The following AXIN1 variants were observed in gnomAD, a reference collection of about 807,000 sequenced individuals.
The protein encoded by AXIN1 is axin 1.
A neutral mutation model predicts 76.4 loss-of-function variants in AXIN1; 30 were observed. The observed-to-expected ratio is 0.39, with a 90% CI of 0.29 to 0.53. The LOEUF is 0.53. Among genes scored for constraint, AXIN1 ranks in the 20% least tolerant of loss-of-function variants. The pLI is 0.66. For missense variants in AXIN1, 1,140 were observed against 1,198.8 expected (o/e 0.95, Z 0.72); for synonymous variants, 545 against 501.4 (o/e 1.09, Z -1.16).
chr16:328,424 A>G (rs577709581), intron 2 of AXIN1, among the ~76,000 whole-genome samples: 1 of 152,162 alleles, frequency 6.6e-6, no homozygotes, highest in East Asian at 1.9e-4. Context: ...AGCCAGGTGC[A>G]GTGGCTCACG....
intron 4 of AXIN1, among the ~76,000 whole-genome samples, chr16:307,873 G>A (rs749467335): frequency 4.6e-5 from 7 of 152,186 alleles, no homozygotes; most frequent in Non-Finnish European, 8.8e-5. Context: ...ACCATCCTCG[G>A]GTCCAGTTTC....
At chr16:316,032 G>C (rs1191924635) in intron 2 of AXIN1, among the ~76,000 whole-genome samples, 1 of 152,030 alleles carries the variant, frequency 6.6e-6, no homozygotes, top group Non-Finnish European at 1.5e-5. Flanking sequence ...CAGCCTGGGC[G>C]ACAGAGTAAG....
chr16:318,840 A>G (rs1419929107), intron 2 of AXIN1, among the ~76,000 whole-genome samples: 9 of 152,140 alleles, frequency 5.9e-5, no homozygotes, highest in Admixed American at 3.3e-4. Flanking sequence ...TGCGGTGAGA[A>G]TGCGGCTGGG....
chr16:352,011 C>T (rs1423656670), intron 1 of AXIN1, among the ~76,000 whole-genome samples: 1 of 152,144 alleles, frequency 6.6e-6, no homozygotes, highest in Non-Finnish European at 1.5e-5. Context: ...CGAACCCCGA[C>T]CCGGACCCGG....
chr16:316,423 C>T (rs79801540), intron 2 of AXIN1, among the ~76,000 whole-genome samples: 5 of 152,218 alleles, frequency 3.3e-5, no homozygotes, highest in East Asian at 1.9e-4. Context: ...CCCTTCCGGG[C>T]GCTCTGCTGT....
chr16:300,619 C>T (rs932814594), intron 5 of AXIN1, among the ~76,000 whole-genome samples: 5 of 152,280 alleles, frequency 3.3e-5, no homozygotes, highest in South Asian at 4.1e-4. Context: ...GGCTTGGCTG[C>T]GGGCACCTGC....
chr16:300,489 T>C (rs1464100125), intron 5 of AXIN1, among the ~76,000 whole-genome samples: 1 of 152,146 alleles, frequency 6.6e-6, no homozygotes, highest in Non-Finnish European at 1.5e-5. Flanking sequence ...TGTGAGCCAC[T>C]GTGCCCCACC....
chr16:342,724 G>A (rs1244381283), intron 2 of AXIN1, among the ~76,000 whole-genome samples: 1 of 152,210 alleles, frequency 6.6e-6, no homozygotes, highest in Non-Finnish European at 1.5e-5. Flanking sequence ...TCAGAGCTGC[G>A]GGAAGCATCT....
At chr16:307,863 A>T (rs1347479305) in intron 4 of AXIN1, among the ~76,000 whole-genome samples, 1 of 152,058 alleles carries the variant, frequency 6.6e-6, no homozygotes, top group Non-Finnish European at 1.5e-5. Context: ...TCTGCTCACC[A>T]CCATCCTCGG....
At chr16:336,614 C>T (rs1165615838) in intron 2 of AXIN1, among the ~76,000 whole-genome samples, 2 of 151,732 alleles carry the variant, frequency 1.3e-5, no homozygotes, top group Non-Finnish European at 2.9e-5. Flanking sequence ...GAGGTCAGTC[C>T]AAGACCAGTC....
intron 3 of AXIN1, among the ~76,000 whole-genome samples, chr16:311,647 T>A (rs1409406515): frequency 6.6e-6 from 1 of 152,062 alleles, no homozygotes; most frequent in Non-Finnish European, 1.5e-5. Flanking sequence ...GGCGAGTGCC[T>A]GTAGTCCCAG....
intron 4 of AXIN1, among the ~76,000 whole-genome samples, chr16:306,614 C>A (rs372844545): frequency 2.0e-5 from 3 of 152,336 alleles, no homozygotes; most frequent in East Asian, 3.9e-4. Context: ...ACAGGGGCCA[C>A]ACAAAAGGCC....
chr16:345,124 C>T (rs748245629), intron 2 of AXIN1, among the ~76,000 whole-genome samples: 1 of 152,120 alleles, frequency 6.6e-6, no homozygotes, highest in Non-Finnish European at 1.5e-5. Context: ...CCAGGAACCA[C>T]GCAGGGATCA....
At chr16:289,639 T>C in intron 9 of AXIN1, 32 bp from the exon 10 acceptor site, 1 of 1,611,156 alleles carries the variant, frequency 6.2e-7, no homozygotes, top group Non-Finnish European at 8.5e-7. Flanking sequence ...TGGTACCTGG[T>C]TTTGGACTGA....
intron 2 of AXIN1, among the ~76,000 whole-genome samples, chr16:329,421 G>C (rs2053648599): frequency 2.0e-5 from 3 of 151,998 alleles, no homozygotes; most frequent in Admixed American, 2.0e-4. Flanking sequence ...TGGGATATCA[G>C]ACCATTTCTT....
rs776159575 is a variant in AXIN1 at position 298,258 on chromosome 16, G to A, written c.1255-7C>T. On this transcript the variant is annotated splice_region_variant and splice_polypyrimidine_tract_variant and intron_variant, in intron 5 of 10. Transcript: ENST00000262320. ...CGTCCTCACCTTCCTCCTCCTGTGT[G>A]GGGACAAGCAGCACCATCACCTCTC... The A allele has an allele frequency of 6.5e-6, 10 of 1,538,314 alleles. No homozygotes were observed. The highest frequency in any genetic ancestry group is 8.7e-6 in the Non-Finnish European group (10 of 1,146,936).
At chr16:309,866 G>T in intron 4 of AXIN1, 107 bp downstream of exon 4, 2 of 1,091,176 alleles carry the variant, frequency 1.8e-6, no homozygotes, top group Non-Finnish European at 2.8e-6. Context: ...CTAGAGGTAA[G>T]CCTGGCTCGT....
At chr16:349,588 C>G (rs186312025) in intron 1 of AXIN1, among the ~76,000 whole-genome samples, 10 of 152,314 alleles carry the variant, frequency 6.6e-5, no homozygotes, top group South Asian at 2.1e-4. Flanking sequence ...TCATAAGGGA[C>G]TTAAGTCTTC....
rs1315133780 is a variant in AXIN1, at chr16:346,852, C to T, written c.174G>A (p.Thr58=). The part of the protein sequence containing the change: ...KGVGIKGETS[T]ATPRRSDLDL... Reference sequence around the variant, plus strand: ...CCAGATCCGAGCGCCTCGGAGTGGCCGTCGAAGTCTCACCTTTAATGCCAA... The same window carrying T: ...CCAGATCCGAGCGCCTCGGAGTGGCTGTCGAAGTCTCACCTTTAATGCCAA... Residue 58 remains threonine, a synonymous_variant, in exon 2 of 11, where the codon ACG becomes ACA. Coordinates refer to ENST00000262320, the MANE Select transcript of AXIN1 (RefSeq NM_003502.4). 1 of 1,613,504 alleles carries T rather than the reference C, an allele frequency of 6.2e-7. No homozygotes were observed. Among genetic ancestry groups the T allele is most frequent in the Non-Finnish European group, 8.5e-7 (1 of 1,179,466 alleles).
Sources: allele counts gnomAD v4.1 joint callset (sites outside exome capture counted in the v4.1 genomes callset), GRCh38; gene constraint gnomAD v4.1.1; transcripts MANE v1.5; gene names NCBI Gene and HGNC (gene_info 2026-07-23, HGNC 2026-07-21).